Variants in EIF4G3 observed in about 807,000 individuals in gnomAD.
EIF4G3 encodes the protein eIF-4-gamma 3.
A neutral mutation model predicts 186.4 loss-of-function variants in EIF4G3; 34 were observed. The ratio of observed to expected loss-of-function variants is 0.18; its 90% confidence interval spans 0.14 to 0.24. EIF4G3 has a LOEUF of 0.24. Among genes scored for constraint, EIF4G3 ranks in the 10% least tolerant of loss-of-function variants. The pLI, the probability that EIF4G3 is intolerant of heterozygous loss-of-function variation, is 1.00. For missense variants in EIF4G3, 1,536 were observed against 1,948.5 expected (o/e 0.79, Z 3.99); for synonymous variants, 673 against 679.5 (o/e 0.99, Z 0.15).
Position 20,829,178 on chromosome 1 carries a change from C to G in EIF4G3, c.4156G>C (p.Glu1386Gln). 1 of 1,613,956 alleles carries G rather than the reference C, an allele frequency of 6.2e-7. No individual in the cohort carries two copies. Among genetic ancestry groups the G allele is most frequent in the Non-Finnish European group, 8.5e-7 (1 of 1,179,932 alleles). The change falls in exon 31 of 37, where the codon GAA (glutamate) becomes CAA (glutamine). Residue 1386 changes from glutamate to glutamine, a missense_variant. Physicochemically the swap from Glu to Gln is conservative, Grantham distance 29 (BLOSUM62 2). Coordinates refer to ENST00000602326, the MANE Select transcript of EIF4G3 (RefSeq NM_001391906.1). ...LAELVTPMLK[E>Q]GGISMRELTI... ...AGTTCTCTCATGGAGATTCCACCTT[C>G]TTTTAACATGGGGGTCACCAGTTCA...
chr1:21,095,609 G>A (rs2096346239), intron 2 of EIF4G3, among the ~76,000 whole-genome samples: 1 of 152,094 alleles, frequency 6.6e-6, no homozygotes, highest in Admixed American at 6.6e-5. Context: ...CACTACACCT[G>A]ACCTATATTA....
In EIF4G3 at chr1:21,023,764, G is replaced by T. The variant is rs1199538278; in HGVS notation, c.-66-20956C>A. Among the ~76,000 whole-genome samples, 4 of 147,368 alleles carry T rather than the reference G, an allele frequency of 2.7e-5. No homozygotes were observed. The East Asian group carries it at 8.1e-4, about 30-fold the overall frequency. ...CCCCTCTGCCTGGCTGCCCAGTCTGGAAAGTGAGGAGCGTCTCCGCCCGGC... is the reference window on the plus strand; with the variant it reads ...CCCCTCTGCCTGGCTGCCCAGTCTGTAAAGTGAGGAGCGTCTCCGCCCGGC... On this transcript the variant is annotated intron_variant, in intron 4 of 36. Transcript: ENST00000602326.
At chr1:21,009,229 A>C (rs936966398) in intron 4 of EIF4G3, among the ~76,000 whole-genome samples, 7 of 152,094 alleles carry the variant, frequency 4.6e-5, no homozygotes, top group Admixed American at 2.6e-4. Context: ...CACCTACGCT[A>C]AAGTGCAGTG....
intron 2 of EIF4G3, among the ~76,000 whole-genome samples, chr1:21,141,824 G>A (rs1340313904): frequency 6.6e-6 from 1 of 151,844 alleles, no homozygotes; most frequent in Non-Finnish European, 1.5e-5. Context: ...CCAGCTACTA[G>A]AGAGGTTGAA....
intron 2 of EIF4G3, among the ~76,000 whole-genome samples, chr1:21,105,330 T>G (rs2096596521): frequency 6.6e-6 from 1 of 151,924 alleles, no homozygotes; most frequent in African/African-American, 2.4e-5. Flanking sequence ...CTCAGGTGGC[T>G]GAGGCAGGAG....
intron 23 of EIF4G3, among the ~76,000 whole-genome samples, chr1:20,861,951 G>A (rs1253020974): frequency 1.3e-5 from 2 of 151,914 alleles, no homozygotes; most frequent in African/African-American, 4.8e-5. Flanking sequence ...TCCAGCCTGG[G>A]CGACAGAGTG....
rs184529572 is a variant in EIF4G3, at chr1:20,933,522, G to C, written c.1663+7969C>G. Among the ~76,000 whole-genome samples the C allele has an allele frequency of 5.3e-5, 8 of 152,150 alleles. No individual in the cohort carries two copies. The East Asian group carries it at 1.5e-3, about 29-fold the overall frequency. On this transcript the variant is annotated intron_variant, in intron 14 of 36. Coordinates refer to ENST00000602326, the MANE Select transcript of EIF4G3 (RefSeq NM_001391906.1). Reference sequence around the variant, plus strand: ...ATACAAAAATTATCCGGGCGTGGTGGTGCGCACCTGTAATCCCAGCTACTC... The same window carrying C: ...ATACAAAAATTATCCGGGCGTGGTGCTGCGCACCTGTAATCCCAGCTACTC...
chr1:21,001,580 A>G (rs530684195), intron 5 of EIF4G3, among the ~76,000 whole-genome samples: 8 of 152,232 alleles, frequency 5.3e-5, no homozygotes, highest in Non-Finnish European at 1.0e-4. Context: ...TCTCATAACA[A>G]AACTTGTATC....
rs769904082 is a variant in EIF4G3, at chr1:21,001,149, T to C, written c.144+50A>G. ...AATGGATGTGGTCAAAAATACTAAG[T>C]GCCAGAGGCACCACTGCCTGCAAGA... On this transcript the variant is annotated intron_variant, in intron 6 of 36. Coordinates refer to ENST00000602326, the MANE Select transcript of EIF4G3 (RefSeq NM_001391906.1). The C allele has an allele frequency of 3.4e-5, 16 of 470,594 alleles. 1 individual carries two copies. The highest frequency in any genetic ancestry group is 2.5e-4 in the South Asian group (16 of 64,474). 29.2% of individuals were successfully genotyped at this position (470,594 alleles called of 1,614,324 possible).
At chr1:21,072,381 A>T (rs2095468535) in intron 3 of EIF4G3, among the ~76,000 whole-genome samples, 1 of 152,016 alleles carries the variant, frequency 6.6e-6, no homozygotes, top group Non-Finnish European at 1.5e-5. Flanking sequence ...ACAGAAAAAG[A>T]CATTTAATTT....
At chr1:20,949,419 T>C (rs563450147) in intron 13 of EIF4G3, among the ~76,000 whole-genome samples, 1 of 152,334 alleles carries the variant, frequency 6.6e-6, no homozygotes, top group East Asian at 1.9e-4. Flanking sequence ...TTTCCTGTGA[T>C]AGGCATGTTC....
chr1:20,877,672 G>C (rs1369499281), intron 20 of EIF4G3, among the ~76,000 whole-genome samples: 8 of 152,030 alleles, frequency 5.3e-5, no homozygotes, highest in Non-Finnish European at 8.8e-5. Flanking sequence ...CAAACACTGG[G>C]CTAGAAATTT....
intron 29 of EIF4G3, among the ~76,000 whole-genome samples, chr1:20,845,459 A>G (rs547825866): frequency 4.7e-4 from 71 of 152,230 alleles, no homozygotes; most frequent in East Asian, 2.7e-3. Context: ...TCAGGAGATC[A>G]AGACCATCCT....
intron 13 of EIF4G3, among the ~76,000 whole-genome samples, chr1:20,949,098 T>A (rs540366148): frequency 1.8e-4 from 28 of 152,260 alleles, no homozygotes; most frequent in African/African-American, 6.7e-4. Context: ...GGCTTCCATA[T>A]TGATATCCAA....
intron 2 of EIF4G3, among the ~76,000 whole-genome samples, chr1:21,139,365 G>C (rs978367525): frequency 2.0e-5 from 3 of 152,102 alleles, no homozygotes; most frequent in Admixed American, 2.0e-4. Context: ...TGAGGCAGGA[G>C]AATCGCTTGA....
intron 20 of EIF4G3, among the ~76,000 whole-genome samples, chr1:20,872,311 A>C (rs982521849): frequency 1.4e-5 from 2 of 146,696 alleles, no homozygotes; most frequent in African/African-American, 5.0e-5. Flanking sequence ...TTTTTTTTTG[A>C]GACAGGGTCT....
rs941233918 is a variant in EIF4G3 at position 20,810,257 on chromosome 1, C to T, written c.4744+481G>A. Reference sequence around the variant, plus strand: ...GTAACCTCCGCCTCCTGGGTTCAAGCGATTCTCCTGCCTCAGCCTCCCAAG... The same window carrying T: ...GTAACCTCCGCCTCCTGGGTTCAAGTGATTCTCCTGCCTCAGCCTCCCAAG... On this transcript the variant is annotated intron_variant, in intron 36 of 36. Transcript: ENST00000602326. The surrounding 1 kb of genome is among the most constrained non-coding windows in gnomAD (Gnocchi z 4.1). Among the ~76,000 whole-genome samples the T allele has an allele frequency of 7.9e-5, 12 of 151,846 alleles. No homozygotes were observed. Among genetic ancestry groups the T allele is most frequent in the African/African-American group, 2.4e-4 (10 of 41,308 alleles).
chr1:21,094,175 G>T (rs1342976341), intron 2 of EIF4G3, among the ~76,000 whole-genome samples: 1 of 151,470 alleles, frequency 6.6e-6, no homozygotes, highest in African/African-American at 2.4e-5. Flanking sequence ...TGGTGGGACT[G>T]TAAACTAGTT....
intron 19 of EIF4G3, among the ~76,000 whole-genome samples, chr1:20,883,181 C>T (rs1217303332): frequency 6.6e-6 from 1 of 151,788 alleles, no homozygotes; most frequent in East Asian, 1.9e-4. Flanking sequence ...TTATTGCCTT[C>T]TACAGAATCA....
Sources: allele counts gnomAD v4.1 joint callset (sites outside exome capture counted in the v4.1 genomes callset), GRCh38; gene constraint gnomAD v4.1.1; non-coding constraint Gnocchi (gnomAD v3.1); transcripts MANE v1.5; gene names NCBI Gene and HGNC (gene_info 2026-07-23, HGNC 2026-07-21).